Variants in PDE5A observed in about 807,000 individuals in gnomAD.
PDE5A encodes the protein phosphodiesterase 5A, also known as cGMP-specific 3',5'-cyclic phosphodiesterase.
PDE5A carries 67 observed loss-of-function variants against 110.2 expected under a neutral mutation model. The observed-to-expected ratio is 0.61, with a 90% confidence interval of 0.50 to 0.75. The LOEUF (loss-of-function observed/expected upper bound fraction) is 0.75, where lower values mean the gene tolerates loss of function less well. PDE5A is among the 30% of genes least tolerant of loss of function. The pLI, the probability that PDE5A is intolerant of heterozygous loss-of-function variation, is 0.00. For synonymous variants in PDE5A, 328 were observed against 351.2 expected (o/e 0.93, Z 0.74); for missense variants, 862 against 1,045.1 (o/e 0.82, Z 2.42).
At chr4:119,536,416 C>T (rs1411357052) in intron 11 of PDE5A, among the ~76,000 whole-genome samples, 3 of 152,106 alleles carry the variant, frequency 2.0e-5, no homozygotes, top group Non-Finnish European at 4.4e-5. Flanking sequence ...AATCACCAAA[C>T]ATATTGCTCG....
chr4:119,534,874 G>A (rs1726676450), intron 11 of PDE5A, among the ~76,000 whole-genome samples: 1 of 152,148 alleles, frequency 6.6e-6, no homozygotes, highest in Non-Finnish European at 1.5e-5. Flanking sequence ...ACAGGGTCAT[G>A]GGAAGTTTTT....
At chr4:119,593,714 C>A (rs964502013) in intron 3 of PDE5A, among the ~76,000 whole-genome samples, 1 of 152,144 alleles carries the variant, frequency 6.6e-6, no homozygotes, top group African/African-American at 2.4e-5. Flanking sequence ...TACACTTAAG[C>A]TGGGTAAATT....
chr4:119,501,032 AAAAG>A, intron 20 of PDE5A, 134 bp downstream of exon 20: 1 of 599,154 alleles, frequency 1.7e-6, no homozygotes, highest in East Asian at 2.8e-5. Flanking sequence ...GTTCATCAGT[AAAAG>A]AAACCATACT....
intron 3 of PDE5A, among the ~76,000 whole-genome samples, chr4:119,583,586 T>C (rs1728661382): frequency 6.6e-6 from 1 of 152,220 alleles, no homozygotes; most frequent in African/African-American, 2.4e-5. Flanking sequence ...TCAACATGCC[T>C]TCCTCACTAA....
intron 6 of PDE5A, among the ~76,000 whole-genome samples, chr4:119,561,763 CCTA>C (rs1489430405): frequency 2.0e-5 from 3 of 152,008 alleles, no homozygotes; most frequent in African/African-American, 7.2e-5. Context: ...TACCTTTTAG[CCTA>C]CTGAGTTCTC....
intron 16 of PDE5A, among the ~76,000 whole-genome samples, chr4:119,506,518 T>C (rs1423789666): frequency 2.0e-5 from 3 of 151,844 alleles, no homozygotes; most frequent in Admixed American, 1.3e-4. Context: ...CAGTGTTTAA[T>C]ATCTACCTGG....
intron 1 of PDE5A, among the ~76,000 whole-genome samples, chr4:119,619,176 T>C (rs1730051580): frequency 6.6e-6 from 1 of 152,190 alleles, no homozygotes; most frequent in African/African-American, 2.4e-5. Context: ...AAAAATTATG[T>C]TGGCTACTTT....
intron 9 of PDE5A, among the ~76,000 whole-genome samples, chr4:119,544,708 A>T (rs1170342318): frequency 6.6e-6 from 1 of 152,206 alleles, no homozygotes; most frequent in Non-Finnish European, 1.5e-5. Context: ...ATAGCAAGAA[A>T]AGTACAACAC....
At chr4:119,549,692 A>G (rs1727270069) in intron 9 of PDE5A, 2 of 152,230 alleles carry the variant, frequency 1.3e-5, no homozygotes, top group South Asian at 4.1e-4. Context: ...GGCATTTAGC[A>G]TAATAAGCAG....
At chr4:119,583,659 G>A (rs181335237) in intron 3 of PDE5A, among the ~76,000 whole-genome samples, 150 of 152,280 alleles carry the variant, frequency 9.9e-4, no homozygotes, top group African/African-American at 3.4e-3. Context: ...ACACTATAGG[G>A]TTATCAACTG....
At chr4:119,571,486 T>G (rs1423555316) in intron 3 of PDE5A, among the ~76,000 whole-genome samples, 1 of 152,052 alleles carries the variant, frequency 6.6e-6, no homozygotes, top group Non-Finnish European at 1.5e-5. Flanking sequence ...GAAGGGGCCA[T>G]GAGCAAAGGG....
chr4:119,613,812 A>C (rs776714182), intron 1 of PDE5A, among the ~76,000 whole-genome samples: 1 of 152,028 alleles, frequency 6.6e-6, no homozygotes, highest in African/African-American at 2.4e-5. Flanking sequence ...TAATGGTCCT[A>C]CTTTCTAAAA....
At chr4:119,502,857 ATC>A (rs1430561329) in intron 18 of PDE5A, among the ~76,000 whole-genome samples, 2 of 152,142 alleles carry the variant, frequency 1.3e-5, no homozygotes, top group Non-Finnish European at 2.9e-5. Flanking sequence ...ACTTAGGTAC[ATC>A]TCTCTGTCTT....
chr4:119,574,459 G>T (rs1480531977), intron 3 of PDE5A, among the ~76,000 whole-genome samples: 1 of 152,040 alleles, frequency 6.6e-6, no homozygotes, highest in Non-Finnish European at 1.5e-5. Flanking sequence ...GGGATTACAG[G>T]TGTGGGCCAC....
chr4:119,562,913 A>C lies in PDE5A; in HGVS notation c.1051T>G (p.Leu351Val), dbSNP rs146066089. The change falls in exon 6 of 21, where the codon TTG (leucine) becomes GTG (valine). Residue 351 changes from leucine to valine, a missense_variant. Physicochemically the swap from Leu to Val is conservative, Grantham distance 32 (BLOSUM62 1). Coordinates refer to ENST00000354960, the MANE Select transcript of PDE5A (RefSeq NM_001083.4). ...FEEQQSLEVI[L>V]KKIAATIISF... ...ATAATAGTGGCAGCTATTTTCTTCAAAATTACTTCTAATGATTGTTGTTCT... is the reference window on the plus strand; with the variant it reads ...ATAATAGTGGCAGCTATTTTCTTCACAATTACTTCTAATGATTGTTGTTCT... 1,861 of 1,603,380 alleles carry C rather than the reference A, an allele frequency of 1.2e-3. 37 individuals are homozygous for C. The highest frequency in any genetic ancestry group is 3.3e-4 in the Admixed American group (19 of 58,120).
intron 11 of PDE5A, among the ~76,000 whole-genome samples, chr4:119,533,696 A>G (rs1221540545): frequency 1.3e-5 from 2 of 152,150 alleles, no homozygotes; most frequent in Non-Finnish European, 2.9e-5. Context: ...AAATCTCAAT[A>G]AGAAAGAGGC....
intron 5 of PDE5A, among the ~76,000 whole-genome samples, 197 bp from the exon 6 acceptor site, chr4:119,563,167 C>G (rs951985372): frequency 2.0e-5 from 3 of 152,170 alleles, no homozygotes; most frequent in Admixed American, 1.3e-4. Context: ...GTTAAGATCA[C>G]AGCCTCTGAA....
intron 20 of PDE5A, chr4:119,500,122 T>TA (rs1246370257): frequency 6.6e-6 from 1 of 152,130 alleles, no homozygotes; most frequent in Non-Finnish European, 1.5e-5. Context: ...AAGCAACTGT[T>TA]ATGGAAAGAA....
intron 18 of PDE5A, among the ~76,000 whole-genome samples, chr4:119,504,023 C>G (rs1423475187): frequency 1.3e-5 from 2 of 151,762 alleles, no homozygotes; most frequent in Non-Finnish European, 2.9e-5. Context: ...TTGGTGGGGA[C>G]TGGGCTTCTA....
Sources: gnomAD v4.1 joint callset for allele counts (sites outside exome capture counted in the v4.1 genomes callset) on GRCh38, gnomAD v4.1.1 for gene constraint, MANE v1.5 for transcripts, NCBI Gene and HGNC (gene_info 2026-07-23, HGNC 2026-07-21) for gene names.